Variants in STON2 observed in about 807,000 individuals in gnomAD.
STON2 encodes the protein stonin 2.
A neutral mutation model predicts 65.7 loss-of-function variants in STON2; 29 were observed. The ratio of observed to expected loss-of-function variants is 0.44; its 90% confidence interval spans 0.33 to 0.60. The LOEUF (loss-of-function observed/expected upper bound fraction) is 0.60. Ranked by LOEUF, STON2 falls within the 20% of genes least tolerant of loss-of-function variation. The pLI is 0.03. For synonymous variants in STON2, 404 were observed against 414.2 expected (o/e 0.98, Z 0.30); for missense variants, 1,054 against 1,118.1 (o/e 0.94, Z 0.82).
chr14:81,314,065 G>A (rs8003051), intron 5 of STON2, among the ~76,000 whole-genome samples: 119,800 of 152,206 alleles, frequency 0.79, 47,300 homozygotes, highest in African/African-American at 0.8. Flanking sequence ...TAAGACTTCA[G>A]TGAAGCAAAG....
chr14:81,392,317 G>C (rs954118878), intron 3 of STON2, among the ~76,000 whole-genome samples: 1 of 152,138 alleles, frequency 6.6e-6, no homozygotes, highest in African/African-American at 2.4e-5. Flanking sequence ...TCCTCTTCCT[G>C]TGTGGAACCT....
At chr14:81,273,624 G>A (rs1266794959) in intron 6 of STON2, among the ~76,000 whole-genome samples, 1 of 152,066 alleles carries the variant, frequency 6.6e-6, no homozygotes, top group African/African-American at 2.4e-5. Context: ...TGGCTGGGCT[G>A]GGCCAGGCTG....
At chr14:81,327,742 CA>C (rs1347550801) in intron 4 of STON2, among the ~76,000 whole-genome samples, 1 of 152,118 alleles carries the variant, frequency 6.6e-6, no homozygotes, top group African/African-American at 2.4e-5. Flanking sequence ...TTATGTTAGA[CA>C]ATATATATTT....
rs759279720 is a variant in STON2, at chr14:81,270,793, G to A, written c.2661C>T (p.His887=). 10 of 1,614,030 alleles carry A rather than the reference G, an allele frequency of 6.2e-6. No individual in the cohort carries two copies. In the African/African-American group the frequency reaches 6.7e-5, roughly 11 times the overall value. The change falls in exon 7 of 8, where the codon CAC becomes CAT. Residue 887 remains histidine, a synonymous_variant. Coordinates refer to ENST00000614646, the MANE Select transcript of STON2 (RefSeq NM_001394390.1). ...DREVPSRFAN[H]VNVEFSMPTT... ...TGGGCATGCTGAACTCGACATTCAC[G>A]TGATTGGCAAATCTGGAAGGCACTT...
intron 3 of STON2, among the ~76,000 whole-genome samples, chr14:81,375,235 A>G (rs59969857): frequency 0.3 from 44,923 of 151,776 alleles, 6,897 homozygotes; most frequent in South Asian, 0.37. Flanking sequence ...AAATAAAACT[A>G]TATCAGTACT....
chr14:81,407,582 A>G (rs1456107083), intron 2 of STON2, among the ~76,000 whole-genome samples: 1 of 152,156 alleles, frequency 6.6e-6, no homozygotes, highest in East Asian at 1.9e-4. Context: ...TGGGTTTGAG[A>G]CTATTGGCAA....
chr14:81,312,761 T>A (rs1896474457), intron 5 of STON2, among the ~76,000 whole-genome samples: 1 of 152,262 alleles, frequency 6.6e-6, no homozygotes, highest in African/African-American at 2.4e-5. Context: ...AACTACTGGT[T>A]TGCAGGAACC....
At chr14:81,427,051 T>C (rs566405445) in intron 2 of STON2, 1 of 152,320 alleles carries the variant, frequency 6.6e-6, no homozygotes, top group African/African-American at 2.4e-5. Flanking sequence ...TGAAGTAGGT[T>C]CCCTTTACAG....
chr14:81,342,263 T>C (rs1320108750), intron 4 of STON2, among the ~76,000 whole-genome samples: 1 of 151,842 alleles, frequency 6.6e-6, no homozygotes, highest in African/African-American at 2.4e-5. Context: ...GCCTCCTGAG[T>C]AGCTGGGATT....
chr14:81,279,914 G>A (rs1053059389), intron 5 of STON2, among the ~76,000 whole-genome samples: 1 of 152,104 alleles, frequency 6.6e-6, no homozygotes, highest in Admixed American at 6.5e-5. Flanking sequence ...TCTAAATTAT[G>A]AACCAAGTTT....
intron 5 of STON2, among the ~76,000 whole-genome samples, chr14:81,285,123 T>C (rs1000187367): frequency 5.9e-5 from 9 of 152,246 alleles, no homozygotes; most frequent in African/African-American, 2.2e-4. Flanking sequence ...ACAACATCCA[T>C]TCTCTATCCC....
intron 4 of STON2, among the ~76,000 whole-genome samples, chr14:81,357,809 A>G (rs1898312313): frequency 6.7e-6 from 1 of 148,718 alleles, no homozygotes; most frequent in South Asian, 2.1e-4. Context: ...AACACCGCAT[A>G]TTCTCACTTA....
intron 4 of STON2, among the ~76,000 whole-genome samples, chr14:81,352,345 T>A (rs1363237626): frequency 1.3e-5 from 2 of 152,220 alleles, no homozygotes; most frequent in African/African-American, 4.8e-5. Context: ...GTACTGCTAA[T>A]GTTACTGTGG....
At chr14:81,400,333 C>T (rs538821024), upstream of STON2, among the ~76,000 whole-genome samples, 6 of 152,206 alleles carry the variant, frequency 3.9e-5, no homozygotes, top group South Asian at 1.2e-3. Context: ...CTGGCTTCTG[C>T]CTTTGACGAC....
chr14:81,283,669 T>C (rs1895218741), intron 5 of STON2, among the ~76,000 whole-genome samples: 2 of 152,018 alleles, frequency 1.3e-5, no homozygotes, highest in Non-Finnish European at 2.9e-5. Context: ...TAGCTGGGAC[T>C]ACAGGTGCCT....
intron 3 of STON2, among the ~76,000 whole-genome samples, chr14:81,390,116 A>C (rs563717411): frequency 1.3e-5 from 2 of 152,084 alleles, no homozygotes; most frequent in African/African-American, 4.8e-5. Context: ...GGGCTGAAGC[A>C]GGAGAATCAC....
chr14:81,287,339 T>C (rs974633461), intron 5 of STON2, among the ~76,000 whole-genome samples: 6 of 152,244 alleles, frequency 3.9e-5, no homozygotes, highest in Admixed American at 3.9e-4. Flanking sequence ...TGTCTCAGCA[T>C]TGTCCAGGAC....
intron 5 of STON2, among the ~76,000 whole-genome samples, chr14:81,285,131 C>G (rs574027439): frequency 6.6e-6 from 1 of 152,318 alleles, no homozygotes; most frequent in South Asian, 2.1e-4. Flanking sequence ...CATTCTCTAT[C>G]CCATGGATCA....
chr14:81,384,789 T>C (rs1216539375), intron 3 of STON2, among the ~76,000 whole-genome samples: 2 of 152,234 alleles, frequency 1.3e-5, no homozygotes, highest in African/African-American at 4.8e-5. Context: ...ATTAAAATTT[T>C]AAATACATAT....
Sources: allele counts gnomAD v4.1 joint callset (sites outside exome capture counted in the v4.1 genomes callset), GRCh38; gene constraint gnomAD v4.1.1; transcripts MANE v1.5; gene names NCBI Gene and HGNC (gene_info 2026-07-23, HGNC 2026-07-21).